Variants in INPP5B observed in about 807,000 individuals in gnomAD.
INPP5B encodes type II inositol 1,4,5-trisphosphate 5-phosphatase.
A neutral mutation model predicts 118.5 loss-of-function variants in INPP5B; 90 were observed. The ratio of observed to expected loss-of-function variants is 0.76; its 90% CI spans 0.64 to 0.90. The LOEUF (loss-of-function observed/expected upper bound fraction) is 0.90, where lower values mean the gene tolerates loss of function less well. INPP5B is among the 40% of genes least tolerant of loss of function. INPP5B has a pLI of 0.00. For missense variants in INPP5B, 984 were observed against 1,125.6 expected (o/e 0.87, Z 1.80); for synonymous variants, 385 against 418.9 (o/e 0.92, Z 0.99).
chr1:37,913,127 G>T (rs1281052734), intron 7 of INPP5B, among the ~76,000 whole-genome samples: 1 of 152,054 alleles, frequency 6.6e-6, no homozygotes, highest in Non-Finnish European at 1.5e-5. Context: ...CGTGGTGGCG[G>T]GTGCCTGTAG....
At chr1:37,927,698 G>A (rs113188612) in intron 7 of INPP5B, among the ~76,000 whole-genome samples, 77 of 151,416 alleles carry the variant, frequency 5.1e-4, no homozygotes, top group African/African-American at 1.5e-3. Flanking sequence ...CACCATGCCC[G>A]GCTAATTTTT....
At chr1:37,904,644 G>A (rs909244089) in intron 7 of INPP5B, among the ~76,000 whole-genome samples, 13 of 151,940 alleles carry the variant, frequency 8.6e-5, no homozygotes, top group Admixed American at 2.0e-4. Context: ...TTGGGAGGCC[G>A]AGGTGGGCGG....
At chr1:37,887,305 C>A in intron 11 of INPP5B, 46 bp downstream of exon 11, 1 of 1,124,008 alleles carries the variant, frequency 8.9e-7, no homozygotes, top group Non-Finnish European at 1.3e-6. Context: ...TTGGAATTTC[C>A]CTGCATGGCA....
rs767482225 is a variant in INPP5B at position 37,946,326 on chromosome 1, G to T, written c.-18C>A. 29 of 1,608,424 alleles carry T rather than the reference G, an allele frequency of 1.8e-5. No homozygotes were observed. The highest frequency in any genetic ancestry group is 2.3e-5 in the Non-Finnish European group (27 of 1,177,486). Reference sequence around the variant, plus strand: ...TGGTCCATGCTGGCCCCTGCTGAGCGCACACACCCTGTGGGAGGGGAGATA... The same window carrying T: ...TGGTCCATGCTGGCCCCTGCTGAGCTCACACACCCTGTGGGAGGGGAGATA... On this transcript the variant is annotated 5_prime_UTR_variant, in exon 2 of 24. Coordinates refer to ENST00000373024, the MANE Select transcript of INPP5B (RefSeq NM_005540.3).
At chr1:37,896,678 G>C (rs1222588473) in intron 7 of INPP5B, among the ~76,000 whole-genome samples, 10 of 132,732 alleles carry the variant, frequency 7.5e-5, no homozygotes, top group South Asian at 7.4e-4. Flanking sequence ...CTACTGGGAA[G>C]TGAGGAGCCC....
intron 3 of INPP5B, among the ~76,000 whole-genome samples, chr1:37,944,580 G>A (rs1646048848): frequency 6.8e-6 from 1 of 147,034 alleles, no homozygotes; most frequent in Non-Finnish European, 1.5e-5. Context: ...ACCCCATGGT[G>A]TTCGTTTTTT....
At chr1:37,906,936 T>C (rs1465921643) in intron 7 of INPP5B, among the ~76,000 whole-genome samples, 1 of 152,158 alleles carries the variant, frequency 6.6e-6, no homozygotes, top group Non-Finnish European at 1.5e-5. Flanking sequence ...TGTTTACGTT[T>C]TTTCCTGCAA....
intron 7 of INPP5B, among the ~76,000 whole-genome samples, chr1:37,896,982 G>A (rs1644128252): frequency 9.5e-6 from 1 of 104,760 alleles, no homozygotes; most frequent in African/African-American, 3.1e-5. Context: ...GGAGGGAGGT[G>A]GGGGGGTCAG....
At chr1:37,945,388 AC>A (rs879279962) in intron 3 of INPP5B, among the ~76,000 whole-genome samples, 1 of 151,148 alleles carries the variant, frequency 6.6e-6, no homozygotes, top group Admixed American at 6.6e-5. Context: ...AGCCAAGATC[AC>A]CCCACTGCAC....
chr1:37,939,793 G>A (rs896583592), intron 6 of INPP5B, among the ~76,000 whole-genome samples: 5 of 151,084 alleles, frequency 3.3e-5, no homozygotes, highest in Admixed American at 6.6e-5. Flanking sequence ...CCCATGCTGC[G>A]GTGCAGTGGC....
rs1553159486 is a variant in INPP5B, at chr1:37,917,308, T to TTATATACATATATATATATATATA, written c.532+14604_532+14605insTATATATATATATATATGTATATA. On this transcript the variant is annotated intron_variant, in intron 7 of 23. Transcript: ENST00000373024. ...CGTCTCGGGGGAAAAAAAAAAATAA[T>TTATATACATATATATATATATATA]TATATATATATATATATATATATAT... Among the ~76,000 whole-genome samples, 18 of 92,802 alleles carry TTATATACATATATATATATATATA rather than the reference T, an allele frequency of 1.9e-4. 1 individual carries two copies. The East Asian group carries it at 5.1e-3, about 26-fold the overall frequency. 60.9% of individuals were successfully genotyped at this position (92,802 alleles called of 152,430 possible).
chr1:37,913,465 C>T (rs1644768762), intron 7 of INPP5B, among the ~76,000 whole-genome samples: 2 of 152,062 alleles, frequency 1.3e-5, no homozygotes, highest in South Asian at 4.1e-4. Context: ...TCCTTTAATA[C>T]CTGTTTTTCT....
chr1:37,879,940 TGA>T (rs1643090931), intron 15 of INPP5B, 143 bp downstream of exon 15: 1 of 493,038 alleles, frequency 2.0e-6, no homozygotes, highest in Admixed American at 3.5e-5. Context: ...GAGCAGATAC[TGA>T]GAGAAAATGT....
chr1:37,886,809 G>A (rs1643566681), intron 12 of INPP5B, 79 bp downstream of exon 12: 3 of 971,090 alleles, frequency 3.1e-6, no homozygotes, highest in South Asian at 2.7e-5. Context: ...GACACGTGTA[G>A]TCACTGTGTC....
chr1:37,930,757 T>C (rs1645425372), intron 7 of INPP5B: 1 of 152,260 alleles, frequency 6.6e-6, no homozygotes, highest in African/African-American at 2.4e-5. Context: ...TTGTGCAACA[T>C]GCCACTCCTC....
At chr1:37,890,929 T>C (rs1305198513) in intron 8 of INPP5B, among the ~76,000 whole-genome samples, 3 of 152,068 alleles carry the variant, frequency 2.0e-5, no homozygotes, top group Non-Finnish European at 4.4e-5. Context: ...TGTCAGGTAT[T>C]ATTAAGAACA....
At chr1:37,943,520 CA>C (rs1646009949) in intron 5 of INPP5B, 119 bp downstream of exon 5, 1 of 1,018,300 alleles carries the variant, frequency 9.8e-7, no homozygotes, top group African/African-American at 1.6e-5. Context: ...CCAGATCCTA[CA>C]GGGTCTTACT....
At position 37,943,723 on chromosome 1, in the gene INPP5B, C is replaced by A. The variant is rs114328240; in HGVS notation, c.251-54G>T. On this transcript the variant is annotated intron_variant, in intron 4 of 23. Coordinates refer to ENST00000373024, the MANE Select transcript of INPP5B (RefSeq NM_005540.3). ...AGCAATTGAGCTTACTCCCCCTTGC[C>A]CCCCCATCAAGGACAAAGATGAGCT... The A allele has an allele frequency of 2.5e-6, 4 of 1,612,192 alleles. No homozygotes were observed. In the African/African-American group the frequency reaches 5.3e-5, roughly 22 times the overall value.
chr1:37,941,660 C>T (rs1190910976), intron 5 of INPP5B, among the ~76,000 whole-genome samples: 5 of 147,724 alleles, frequency 3.4e-5, no homozygotes, highest in African/African-American at 7.5e-5. Context: ...AATAAAGGGC[C>T]GGGCGCGGTG....
Sources: allele counts gnomAD v4.1 joint callset (sites outside exome capture counted in the v4.1 genomes callset), GRCh38; gene constraint gnomAD v4.1.1; transcripts MANE v1.5; gene names NCBI Gene and HGNC (gene_info 2026-07-23, HGNC 2026-07-21).